The following CACNA1C variants were observed in gnomAD, a reference collection of about 807,000 sequenced individuals.
CACNA1C encodes calcium voltage-gated channel subunit alpha1 C.
In CACNA1C, 30 loss-of-function variants were observed where a neutral mutation model predicts 229.0. That is an observed-to-expected ratio of 0.13 (90% CI 0.10 to 0.18). The LOEUF (loss-of-function observed/expected upper bound fraction) is 0.18, where lower values mean the gene tolerates loss of function less well. Ranked by LOEUF, CACNA1C falls within the 10% of genes least tolerant of loss-of-function variation. The pLI is 1.00. For synonymous variants in CACNA1C, 1,114 were observed against 1,132.5 expected (o/e 0.98, Z 0.33); for missense variants, 1,658 against 2,845.0 (o/e 0.58, Z 9.49).
At chr12:2,047,073 A>G (rs189342466) in intron 1 of CACNA1C, among the ~76,000 whole-genome samples, 19 of 152,300 alleles carry the variant, frequency 1.2e-4, no homozygotes, top group Non-Finnish European at 1.8e-4. Context: ...AGTGCCTGAA[A>G]TGTTGCCCAC....
intron 3 of CACNA1C, among the ~76,000 whole-genome samples, chr12:2,365,535 T>C (rs2097698522): frequency 6.6e-6 from 1 of 152,352 alleles, no homozygotes. Context: ...CAGTTCATTG[T>C]CATGGGGCTC....
In CACNA1C at chr12:2,226,133, AC is replaced by A. The variant is rs1566519091; in HGVS notation, c.477+105704del. 1.3e-4 allele frequency among the ~76,000 whole-genome samples: 8 copies of A among 63,018 alleles called. No individual in the cohort carries two copies. In the South Asian group the frequency reaches 2.0e-3, roughly 16 times the overall value. The allele number at this position is 63,018 out of a possible 152,430, so 41.3% of individuals were successfully genotyped here. On this transcript the variant is annotated intron_variant, in intron 3 of 46. Transcript: ENST00000399655. ...CTTGGATATGGGGACGCGCACACAC[AC>A]ACACACACACACACACACACACACA...
In CACNA1C at chr12:2,605,036, C is replaced by G. The variant is rs763556459; in HGVS notation, c.2961-45C>G. On this transcript the variant is annotated intron_variant, in intron 22 of 46. Transcript: ENST00000399655. This position sits in a 1 kb window ranked among gnomAD's most constrained non-coding sequence, Gnocchi z 6.2. ...CTTACCACATTATTTTTGCTCCCCC[C>G]AGAAACAGGAGGAGCTTACTACCCT... The G allele has an allele frequency of 5.6e-6, 8 of 1,427,904 alleles. No homozygotes were observed. The highest frequency in any genetic ancestry group is 1.7e-4 in the Middle Eastern group (1 of 5,746). 88.5% of individuals were successfully genotyped at this position (1,427,904 alleles called of 1,614,324 possible). A position where few individuals can be genotyped will look rare whatever the true frequency, so the allele number is the denominator to read the frequency against.
At chr12:2,563,764 G>A (rs2048762627) in intron 11 of CACNA1C, among the ~76,000 whole-genome samples, 1 of 152,234 alleles carries the variant, frequency 6.6e-6, no homozygotes, top group Non-Finnish European at 1.5e-5. Context: ...GCCCAGGTTG[G>A]CATCTTGGAG....
At chr12:2,342,647 C>G (rs898752931) in intron 3 of CACNA1C, among the ~76,000 whole-genome samples, 1 of 152,254 alleles carries the variant, frequency 6.6e-6, no homozygotes, top group African/African-American at 2.4e-5. Context: ...AAACACTTCC[C>G]TGCCTTCTTA....
At chr12:2,031,074 C>T (rs2048138436) in intron 1 of CACNA1C, among the ~76,000 whole-genome samples, 1 of 152,208 alleles carries the variant, frequency 6.6e-6, no homozygotes, top group Non-Finnish European at 1.5e-5. Context: ...GCCTAGACCT[C>T]TCAGTGGTTT....
In CACNA1C at chr12:2,275,978, C is replaced by T. The variant is rs1032721231; in HGVS notation, c.477+155548C>T. 6.6e-6 allele frequency among the ~76,000 whole-genome samples: 1 copy of T among 152,096 alleles called. No homozygotes were observed. The highest frequency in any genetic ancestry group is 1.5e-5 in the Non-Finnish European group (1 of 68,018). On this transcript the variant is annotated intron_variant, in intron 3 of 46. Transcript: ENST00000399655. This position sits in a 1 kb window ranked among gnomAD's most constrained non-coding sequence, Gnocchi z 4.1. Reference sequence around the variant, plus strand: ...TCTCAGATACAAAACCCAAGGATGCCCATGTCCTTTTATGTATGTAGATTA... The same window carrying T: ...TCTCAGATACAAAACCCAAGGATGCTCATGTCCTTTTATGTATGTAGATTA...
intron 3 of CACNA1C, among the ~76,000 whole-genome samples, chr12:2,194,523 T>C (rs2097345303): frequency 6.6e-6 from 1 of 152,144 alleles, no homozygotes; most frequent in African/African-American, 2.4e-5. Flanking sequence ...TTCTCTTGGA[T>C]ATTTTCTGCC....
At chr12:2,428,763 A>AG (rs1361875151) in intron 3 of CACNA1C, among the ~76,000 whole-genome samples, 1 of 152,214 alleles carries the variant, frequency 6.6e-6, no homozygotes, top group Non-Finnish European at 1.5e-5. Flanking sequence ...TTAAAGTCAG[A>AG]GGTGCTCTCT....
rs1197799697 is a variant in CACNA1C, at chr12:2,630,288, C to T, written c.3829-4009C>T. Among the ~76,000 whole-genome samples the T allele has an allele frequency of 1.3e-5, 2 of 152,116 alleles. No homozygotes were observed. Among genetic ancestry groups the T allele is most frequent in the Non-Finnish European group, 2.9e-5 (2 of 68,026 alleles). On this transcript the variant is annotated intron_variant, in intron 29 of 46. Transcript: ENST00000399655. The surrounding 1 kb of genome is among the most constrained non-coding windows in gnomAD (Gnocchi z 5.4). ...TCCCACCCTCCCTTCTCCATTACACCCTTAAAACCCCTATTACTAATGGTT... is the reference window on the plus strand; with the variant it reads ...TCCCACCCTCCCTTCTCCATTACACTCTTAAAACCCCTATTACTAATGGTT...
In CACNA1C at chr12:2,493,464, C is replaced by A; in HGVS notation, c.1113+78C>A. 9.1e-7 allele frequency: 1 copy of A among 1,096,556 alleles called. No individual in the cohort carries two copies. Among genetic ancestry groups the A allele is most frequent in the Non-Finnish European group, 1.4e-6 (1 of 719,494 alleles). 67.9% of individuals were successfully genotyped at this position (1,096,556 alleles called of 1,614,324 possible). ...CTTCCCTGACACCTCCCTTTCTCCT[C>A]CTCCCCATGGTCTTGGGGTCACATA... On this transcript the variant is annotated intron_variant, in intron 7 of 46. Coordinates refer to ENST00000399655, the MANE Select transcript of CACNA1C (RefSeq NM_000719.7). This position sits in a 1 kb window ranked among gnomAD's most constrained non-coding sequence, Gnocchi z 4.6.
intron 3 of CACNA1C, among the ~76,000 whole-genome samples, chr12:2,429,980 T>C (rs1045708669): frequency 3.9e-5 from 6 of 152,178 alleles, no homozygotes; most frequent in African/African-American, 1.4e-4. Flanking sequence ...CCTGGGGACT[T>C]ATAAACCACA....
intron 3 of CACNA1C, among the ~76,000 whole-genome samples, chr12:2,270,675 T>C (rs1481462810): frequency 3.3e-5 from 5 of 152,206 alleles, no homozygotes; most frequent in South Asian, 4.1e-4. Flanking sequence ...TGGAAGGTCA[T>C]TGGACTCCCT....
chr12:2,367,972 AAAATG>A (rs921098128), intron 3 of CACNA1C, among the ~76,000 whole-genome samples: 4 of 152,222 alleles, frequency 2.6e-5, no homozygotes, highest in Non-Finnish European at 5.9e-5. Context: ...TGAAAAAAGA[AAAATG>A]AAATAAAATT....
At chr12:2,685,115 T>G (rs547665433) in intron 43 of CACNA1C, among the ~76,000 whole-genome samples, 66 of 152,178 alleles carry the variant, frequency 4.3e-4, no homozygotes, top group Non-Finnish European at 6.3e-4. Context: ...GCTATGAGGT[T>G]TCATTCCATC....
At chr12:2,331,929 G>A (rs1217293397) in intron 3 of CACNA1C, among the ~76,000 whole-genome samples, 2 of 152,318 alleles carry the variant, frequency 1.3e-5, no homozygotes, top group East Asian at 3.9e-4. Context: ...ACAATTAAGT[G>A]TAATGCATGA....
chr12:2,097,816 TG>T (rs2074867931), intron 1 of CACNA1C, among the ~76,000 whole-genome samples: 1 of 152,218 alleles, frequency 6.6e-6, no homozygotes, highest in Non-Finnish European at 1.5e-5. Flanking sequence ...GGGTGGCTGC[TG>T]GGCTGCACCT....
intron 3 of CACNA1C, among the ~76,000 whole-genome samples, chr12:2,314,951 T>C (rs1036036926): frequency 3.3e-5 from 5 of 152,142 alleles, no homozygotes; most frequent in African/African-American, 1.2e-4. Context: ...GTGAGAACAT[T>C]TATCTCCTCA....
intron 9 of CACNA1C, among the ~76,000 whole-genome samples, chr12:2,527,939 CAG>C (rs573140527): frequency 6.6e-6 from 1 of 152,186 alleles, no homozygotes; most frequent in Admixed American, 6.5e-5. Flanking sequence ...ATAAAAACTG[CAG>C]AGTTTCTTCT....
Sources: allele counts gnomAD v4.1 joint callset (sites outside exome capture counted in the v4.1 genomes callset), GRCh38; gene constraint gnomAD v4.1.1; non-coding constraint Gnocchi (gnomAD v3.1); transcripts MANE v1.5; gene names NCBI Gene and HGNC (gene_info 2026-07-23, HGNC 2026-07-21).